The following MKLN1 variants were observed in gnomAD, a reference collection of about 807,000 sequenced individuals.
MKLN1 encodes muskelin 1, also known as muskelin.
In MKLN1, 18 loss-of-function variants were observed where a neutral mutation model predicts 99.0. That is an observed-to-expected ratio of 0.18 (90% CI 0.13 to 0.27). The LOEUF (loss-of-function observed/expected upper bound fraction) is 0.27, where lower values mean the gene tolerates loss of function less well. Ranked by LOEUF, MKLN1 falls within the 10% of genes least tolerant of loss-of-function variation. The pLI, the probability that MKLN1 is intolerant of heterozygous loss-of-function variation, is 1.00. For synonymous variants in MKLN1, 288 were observed against 293.2 expected, an observed-to-expected ratio of 0.98 and a Z score of 0.18; for missense variants, 621 against 875.9, an observed-to-expected ratio of 0.71 and a Z score of 3.67.
chr7:131,163,350 C>T (rs6963416), intron 2 of MKLN1, among the ~76,000 whole-genome samples: 39,258 of 152,018 alleles, frequency 0.26, 5,429 homozygotes, highest in East Asian at 0.58. Context: ...TGTAATGGTT[C>T]GGGGCTCACC....
chr7:131,250,031 G>A (rs1316405801), intron 3 of MKLN1, among the ~76,000 whole-genome samples: 1 of 152,190 alleles, frequency 6.6e-6, no homozygotes, highest in Non-Finnish European at 1.5e-5. Context: ...GAAGTACGAG[G>A]ACCACTTTGT....
At chr7:131,306,865 A>G (rs1798474437) in intron 3 of MKLN1, among the ~76,000 whole-genome samples, 1 of 152,242 alleles carries the variant, frequency 6.6e-6, no homozygotes, top group Admixed American at 6.5e-5. Flanking sequence ...GAAGAACCAA[A>G]TGTTAATTGC....
Position 131,192,104 on chromosome 7 carries a change from ATATAT to A in MKLN1, c.-296-10747_-296-10743del, listed in dbSNP as rs1214367633. ...ATATATATTATATATATATGTATAT[ATATAT>A]TATATATATACGTATATATATAAAA... On this transcript the variant is annotated intron_variant, in intron 2 of 7. Transcript: ENST00000416992. Among the ~76,000 whole-genome samples, 558 of 81,568 alleles carry A rather than the reference ATATAT, an allele frequency of 6.8e-3. 62 individuals are homozygous for A. The highest frequency in any genetic ancestry group is 0.024 in the African/African-American group (524 of 21,978). The allele number at this position is 81,568 out of a possible 152,430, so 53.5% of individuals were successfully genotyped here.
At chr7:131,259,789 T>C (rs1797707306) in intron 3 of MKLN1, among the ~76,000 whole-genome samples, 1 of 152,158 alleles carries the variant, frequency 6.6e-6, no homozygotes, top group Non-Finnish European at 1.5e-5. Flanking sequence ...TTCCAGAACT[T>C]TTTTATTATT....
chr7:131,276,539 G>A (rs1287928397), intron 3 of MKLN1, among the ~76,000 whole-genome samples: 1 of 152,192 alleles, frequency 6.6e-6, no homozygotes, highest in Non-Finnish European at 1.5e-5. Context: ...TGATGTGTGT[G>A]TTGATTTGGG....
intron 2 of MKLN1, among the ~76,000 whole-genome samples, chr7:131,145,771 C>T (rs6467354): frequency 0.98 from 148,954 of 152,318 alleles, 72,928 homozygotes; most frequent in East Asian, 1. Flanking sequence ...GATGTAAGCA[C>T]GTACATTTCA....
intron 17 of MKLN1, among the ~76,000 whole-genome samples, chr7:131,483,877 G>A (rs1030586613): frequency 6.6e-6 from 1 of 152,174 alleles, no homozygotes; most frequent in African/African-American, 2.4e-5. Context: ...CACAAGTATT[G>A]GTTTGGGGGT....
intron 3 of MKLN1, chr7:131,310,435 T>C (rs186644762): frequency 1.9e-4 from 29 of 152,358 alleles, no homozygotes; most frequent in Admixed American, 3.3e-4. Context: ...GCCCAGGTAG[T>C]CCTACCAGTC....
intron 5 of MKLN1, among the ~76,000 whole-genome samples, chr7:131,398,267 T>A (rs1236426624): frequency 6.6e-6 from 1 of 152,320 alleles, no homozygotes; most frequent in Non-Finnish European, 1.5e-5. Context: ...ATCCTTTTTA[T>A]AAGATTGTAT....
chr7:131,213,740 G>T (rs1247231128), intron 3 of MKLN1, among the ~76,000 whole-genome samples: 1 of 152,064 alleles, frequency 6.6e-6, no homozygotes, highest in Non-Finnish European at 1.5e-5. Context: ...TCCACATTTT[G>T]CTAATTTTTG....
chr7:131,223,217 A>C (rs978208690), intron 3 of MKLN1, among the ~76,000 whole-genome samples: 1 of 152,144 alleles, frequency 6.6e-6, no homozygotes, highest in African/African-American at 2.4e-5. Flanking sequence ...AGGGTCATGA[A>C]ATTTTTAGAT....
At chr7:131,293,642 A>G (rs1478717707) in intron 3 of MKLN1, among the ~76,000 whole-genome samples, 4 of 152,094 alleles carry the variant, frequency 2.6e-5, no homozygotes, top group African/African-American at 9.7e-5. Flanking sequence ...GACCATCTCT[A>G]CAAAAAATAA....
chr7:131,192,042 G>GTA (rs1319513393), intron 2 of MKLN1, among the ~76,000 whole-genome samples: 1 of 109,352 alleles, frequency 9.1e-6, no homozygotes, highest in East Asian at 2.0e-4. Context: ...ATGTGTGTGT[G>GTA]TATATGTATA....
chr7:131,209,827 G>A (rs1211242474), intron 3 of MKLN1, among the ~76,000 whole-genome samples: 1 of 152,146 alleles, frequency 6.6e-6, no homozygotes, highest in Non-Finnish European at 1.5e-5. Flanking sequence ...AAGCCTCTGG[G>A]GATAGATGTG....
chr7:131,168,475 A>G (rs1022859686), intron 2 of MKLN1, among the ~76,000 whole-genome samples: 5 of 152,168 alleles, frequency 3.3e-5, no homozygotes, highest in Non-Finnish European at 7.3e-5. Flanking sequence ...AAGCCACCAT[A>G]TTAATGTCCC....
At chr7:131,480,858 A>G (rs1797102806) in intron 17 of MKLN1, among the ~76,000 whole-genome samples, 1 of 152,238 alleles carries the variant, frequency 6.6e-6, no homozygotes, top group Non-Finnish European at 1.5e-5. Context: ...ATTAGTGCAT[A>G]GCACTAAACT....
At chr7:131,459,009 G>A (rs185287451) in intron 12 of MKLN1, among the ~76,000 whole-genome samples, 52 of 152,316 alleles carry the variant, frequency 3.4e-4, no homozygotes, top group Admixed American at 2.6e-3. Context: ...AAAGTTTTAC[G>A]TGGCATGTGA....
chr7:131,479,488 C>T (rs141661550), intron 17 of MKLN1, among the ~76,000 whole-genome samples: 2,448 of 152,194 alleles, frequency 0.016, 45 homozygotes, highest in African/African-American at 0.053. Context: ...CAAGATCATG[C>T]CACTGCACTC....
At chr7:131,427,034 C>T (rs959536697) in intron 8 of MKLN1, among the ~76,000 whole-genome samples, 6 of 152,144 alleles carry the variant, frequency 3.9e-5, no homozygotes, top group African/African-American at 1.4e-4. Flanking sequence ...ATCTGAAGGA[C>T]TTGACAACAC....
Sources: gnomAD v4.1 joint callset for allele counts (sites outside exome capture counted in the v4.1 genomes callset) on GRCh38, gnomAD v4.1.1 for gene constraint, MANE v1.5 for transcripts, NCBI Gene and HGNC (gene_info 2026-07-23, HGNC 2026-07-21) for gene names.